Variants in ATAD1 observed in about 807,000 individuals in gnomAD.
ATAD1 encodes outer mitochondrial transmembrane helix translocase.
A neutral mutation model predicts 42.7 loss-of-function variants in ATAD1; 18 were observed. The observed-to-expected ratio is 0.42, with a 90% confidence interval of 0.29 to 0.63. ATAD1 has a LOEUF of 0.63. ATAD1 is among the 20% of genes least tolerant of loss of function. The pLI is 0.19. For missense variants in ATAD1, 294 were observed against 440.4 expected, an observed-to-expected ratio of 0.67 and a Z score of 2.98; for synonymous variants, 132 against 143.1, an observed-to-expected ratio of 0.92 and a Z score of 0.55.
intron 7 of ATAD1, among the ~76,000 whole-genome samples, chr10:87,769,238 A>G (rs947005906): frequency 2.0e-5 from 3 of 152,208 alleles, no homozygotes; most frequent in Non-Finnish European, 4.4e-5. Context: ...CAAAGCATAT[A>G]AAGTTCACCT....
In ATAD1 at chr10:87,818,152, G is replaced by C. The variant is rs1201610999; in HGVS notation, c.-14+15C>G. 3.0e-6 allele frequency: 3 copies of C among 985,660 alleles called. No homozygotes were observed. In the African/African-American group the frequency reaches 5.2e-5, roughly 17 times the overall value. The allele number at this position is 985,660 out of a possible 1,614,324, so 61.1% of individuals were successfully genotyped here. Reference sequence around the variant, plus strand: ...ACAACCATCCCATGAGGCCCCACGGGAACCAGCTACTCACCCAGGGGCAGA... The same window carrying C: ...ACAACCATCCCATGAGGCCCCACGGCAACCAGCTACTCACCCAGGGGCAGA... On this transcript the variant is annotated intron_variant, in intron 1 of 9. Transcript: ENST00000680024.
At chr10:87,840,221 T>C (rs759846213) in intron 1 of ATAD1, among the ~76,000 whole-genome samples, 1 of 152,242 alleles carries the variant, frequency 6.6e-6, no homozygotes, top group Non-Finnish European at 1.5e-5. Context: ...CAGTGGCTCA[T>C]GCCTATAATC....
intron 2 of ATAD1, among the ~76,000 whole-genome samples, chr10:87,801,882 G>C (rs1856714116): frequency 6.6e-6 from 1 of 152,122 alleles, no homozygotes. Context: ...AAACAGAACA[G>C]GAATTAACTG....
intron 1 of ATAD1, among the ~76,000 whole-genome samples, chr10:87,830,000 T>C (rs1387827840): frequency 6.6e-6 from 1 of 152,162 alleles, no homozygotes; most frequent in Non-Finnish European, 1.5e-5. Context: ...CAGAGAAATA[T>C]TTTATGAAAG....
chr10:87,773,650 G>A (rs1455199488), intron 6 of ATAD1, among the ~76,000 whole-genome samples: 3 of 152,146 alleles, frequency 2.0e-5, no homozygotes, highest in Non-Finnish European at 4.4e-5. Context: ...ATTGCTATTA[G>A]TGCAATAAGG....
Position 87,765,898 on chromosome 10 carries a change from C to G in ATAD1, c.831+1775G>C, listed in dbSNP as rs575767735. ...TAACTAAATAAATAAACAGAATTAGCCAGGCTTGCTGGTACATGCCTGTAA... is the reference window on the plus strand; with the variant it reads ...TAACTAAATAAATAAACAGAATTAGGCAGGCTTGCTGGTACATGCCTGTAA... On this transcript the variant is annotated intron_variant, in intron 8 of 9. Transcript: ENST00000680024. Among the ~76,000 whole-genome samples the G allele has an allele frequency of 6.6e-5, 10 of 151,950 alleles. No individual in the cohort carries two copies. In the South Asian group the frequency reaches 1.5e-3, roughly 22 times the overall value.
rs1854127230 is a variant in ATAD1 at position 87,754,338 on chromosome 10, C to T, written c.*349G>A. On this transcript the variant is annotated 3_prime_UTR_variant, in exon 10 of 10. Transcript: ENST00000680024. ...CACACACAAACGCATACTCACATGT[C>T]TAGGAACCAGCACCTAACCACATCC... is the stretch of plus-strand genomic sequence containing the variant. 1 of 164,286 alleles carries T rather than the reference C, an allele frequency of 6.1e-6. No individual in the cohort carries two copies. The highest frequency in any genetic ancestry group is 1.6e-4 in the East Asian group (1 of 6,090). 10.2% of individuals were successfully genotyped at this position (164,286 alleles called of 1,614,324 possible).
At chr10:87,783,165 G>A (rs1208739259) in intron 5 of ATAD1, among the ~76,000 whole-genome samples, 3 of 151,974 alleles carry the variant, frequency 2.0e-5, no homozygotes, top group Admixed American at 6.6e-5. Flanking sequence ...AGATTGCTTG[G>A]CCCCAAGAGT....
chr10:87,760,925 C>A (rs1854452997), intron 8 of ATAD1, among the ~76,000 whole-genome samples: 1 of 152,138 alleles, frequency 6.6e-6, no homozygotes, highest in Non-Finnish European at 1.5e-5. Context: ...GCCAAAATCA[C>A]TACACTATCT....
intron 2 of ATAD1, among the ~76,000 whole-genome samples, chr10:87,797,504 A>C (rs1856454561): frequency 6.6e-6 from 1 of 152,228 alleles, no homozygotes; most frequent in Non-Finnish European, 1.5e-5. Flanking sequence ...AAAAGAATTC[A>C]GAACAAAGAC....
intron 7 of ATAD1, among the ~76,000 whole-genome samples, chr10:87,768,994 CTGTT>C (rs1854901708): frequency 6.6e-6 from 1 of 152,080 alleles, no homozygotes; most frequent in Non-Finnish European, 1.5e-5. Context: ...GGTGGAAAGA[CTGTT>C]TGAGCCCAAG....
chr10:87,817,661 T>C (rs1857482735), intron 1 of ATAD1: 3 of 937,172 alleles, frequency 3.2e-6, no homozygotes, highest in Middle Eastern at 5.5e-4. Context: ...CCTATGACAA[T>C]GAAGGCCTGC....
intron 1 of ATAD1, among the ~76,000 whole-genome samples, chr10:87,835,965 G>A (rs921899846): frequency 5.9e-5 from 9 of 152,014 alleles, no homozygotes; most frequent in African/African-American, 2.2e-4. Context: ...TGTTGCAGTT[G>A]TCTTATGTAT....
intron 1 of ATAD1, among the ~76,000 whole-genome samples, chr10:87,816,612 C>T (rs1275923405): frequency 1.3e-5 from 2 of 152,014 alleles, no homozygotes; most frequent in Non-Finnish European, 2.9e-5. Context: ...AGGCACCTAA[C>T]TGAAATCTCT....
At chr10:87,768,989 A>G (rs570338294) in intron 7 of ATAD1, among the ~76,000 whole-genome samples, 61 of 152,266 alleles carry the variant, frequency 4.0e-4, no homozygotes, top group African/African-American at 1.3e-3. Context: ...GCTCAGGTGG[A>G]AAGACTGTTT....
chr10:87,840,313 G>C (rs1858008545), intron 1 of ATAD1, among the ~76,000 whole-genome samples: 1 of 152,058 alleles, frequency 6.6e-6, no homozygotes, highest in Admixed American at 6.5e-5. Flanking sequence ...GTGAGACCCT[G>C]TCTCTAAAAA....
At chr10:87,814,718 A>G in intron 1 of ATAD1, 106 bp from the exon 2 acceptor site, 9 of 833,296 alleles carry the variant, frequency 1.1e-5, no homozygotes, top group South Asian at 5.0e-5. Context: ...CTTCTAGTCA[A>G]ATTAAAATAT....
rs1207341603 is a variant in ATAD1 at position 87,814,496 on chromosome 10, T to C, written c.104A>G (p.Lys35Arg). 4 of 1,608,398 alleles carry C rather than the reference T, an allele frequency of 2.5e-6. No individual in the cohort carries two copies. Among genetic ancestry groups the C allele is most frequent in the Non-Finnish European group, 2.5e-6 (3 of 1,177,424 alleles). The change falls in exon 2 of 10, where the codon AAA (lysine) becomes AGA (arginine). Residue 35 changes from lysine (K) to arginine (R), a missense_variant. This residue lies in a region of ATAD1 where 121 missense variants were observed against 187.3 expected (regional missense o/e 0.65). Transcript: ENST00000680024. Reference protein sequence around the residue: ...IFGAVTYFTIKWMVDAIDPTR... With the variant: ...IFGAVTYFTIRWMVDAIDPTR... ...TGGATCAATTGCATCTACCATCCAT[T>C]TGATAGTAAAGTATGTCACTGCACC...
At chr10:87,772,278 G>C (rs562020687) in intron 6 of ATAD1, among the ~76,000 whole-genome samples, 14 of 151,646 alleles carry the variant, frequency 9.2e-5, no homozygotes, top group African/African-American at 3.4e-4. Flanking sequence ...GTGCCTAGCT[G>C]ATTTTTCCGT....
Sources: gnomAD v4.1 joint callset for allele counts (sites outside exome capture counted in the v4.1 genomes callset) on GRCh38, gnomAD v4.1.1 for gene constraint, gnomAD v4.1.1 regional missense constraint, MANE v1.5 for transcripts, NCBI Gene and HGNC (gene_info 2026-07-23, HGNC 2026-07-21) for gene names.